F7: variants seen among roughly 807,000 people sequenced by gnomAD.
The protein encoded by F7 is FVII coagulation protein.
A neutral mutation model predicts 47.5 loss-of-function variants in F7; 38 were observed. The observed-to-expected ratio is 0.80, with a 90% confidence interval of 0.62 to 1.05. F7 has a LOEUF of 1.05. F7 is among the 50% of genes least tolerant of loss of function. The probability of loss-of-function intolerance (pLI) is 0.00; values close to 1 mark genes in which losing one functional copy is unlikely to be tolerated. For missense variants in F7, 575 were observed against 605.4 expected (o/e 0.95, Z 0.53); for synonymous variants, 244 against 258.5 (o/e 0.94, Z 0.54).
Position 113,118,564 on chromosome 13 carries a change from GC to G in F7, c.895del (p.Leu299SerfsTer45). On this transcript the variant is annotated frameshift_variant, in exon 8 of 8. Coordinates refer to ENST00000346342, the MANE Select transcript of F7 (RefSeq NM_019616.4). LOFTEE classifies it high-confidence loss of function. Reference protein sequence around the residue: ...QPVVLTDHVVPLCLPERTFSE... With the variant: ...QPVVLTDHVVXLCLPERTFSE... ...CCGTGGTCCTCACTGACCATGTGGT[GC>G]CCCTCTGCCTGCCCGAACGGACGTT... 1.2e-6 allele frequency: 2 copies of G among 1,612,590 alleles called. No individual in the cohort carries two copies. The highest frequency in any genetic ancestry group is 2.2e-5 in the East Asian group (1 of 44,864).
rs1178842676 is a variant in F7, at chr13:113,112,050, T to C, written c.225+1200T>C. On this transcript the variant is annotated intron_variant, in intron 2 of 7. Coordinates refer to ENST00000346342, the MANE Select transcript of F7 (RefSeq NM_019616.4). Reference sequence around the variant, plus strand: ...CACTCACAGGACACCTCACACAAGATACCACACGGGGCACACTTCACACTC... The same window carrying C: ...CACTCACAGGACACCTCACACAAGACACCACACGGGGCACACTTCACACTC... 6.6e-5 allele frequency among the ~76,000 whole-genome samples: 7 copies of C among 106,142 alleles called. No homozygotes were observed. The South Asian group carries it at 1.1e-3, about 17-fold the overall frequency. 69.6% of individuals were successfully genotyped at this position (106,142 alleles called of 152,430 possible).
intron 1 of F7, chr13:113,106,809 C>G (rs1263979971): frequency 6.4e-7 from 1 of 1,563,778 alleles, no homozygotes; most frequent in Middle Eastern, 1.7e-4. Flanking sequence ...TAGCTCACAG[C>G]ATGGCCTTAT....
rs1461816252 is a variant in F7, at chr13:113,112,288, A to G, written c.225+1438A>G. On this transcript the variant is annotated intron_variant, in intron 2 of 7. Transcript: ENST00000346342. ...ACCTCAGTCTTACAGGACAACTCAC[A>G]CTCACAGGTCACCTTACTCTCACAG... Among the ~76,000 whole-genome samples, 3 of 136,736 alleles carry G rather than the reference A, an allele frequency of 2.2e-5. No homozygotes were observed. The East Asian group carries it at 7.1e-4, about 33-fold the overall frequency. The allele number at this position is 136,736 out of a possible 152,430, so 89.7% of individuals were successfully genotyped here. A position where few individuals can be genotyped will look rare whatever the true frequency, so the allele number is the denominator to read the frequency against.
In F7 at chr13:113,119,606, GATGCACGCACATGCCA is replaced by G. The variant is rs533636983; in HGVS notation, c.*610_*625del. The G allele has an allele frequency of 3.0e-5, 5 of 164,296 alleles. No individual in the cohort carries two copies. The East Asian group carries it at 5.4e-4, about 18-fold the overall frequency. 10.2% of individuals were successfully genotyped at this position (164,296 alleles called of 1,614,324 possible). On this transcript the variant is annotated 3_prime_UTR_variant, in exon 8 of 8. Transcript: ENST00000346342. ...AGATGCACACACAGATATACACATGGATGCACGCACATGCCAATGCACGCACACATCAGTGCACACG... is the reference window on the plus strand; with the variant it reads ...AGATGCACACACAGATATACACATGGATGCACGCACACATCAGTGCACACG...
rs747200317 is a variant in F7, at chr13:113,118,494, C to T, written c.821C>T (p.Pro274Leu). 3.0e-5 allele frequency: 48 copies of T among 1,610,480 alleles called. No individual in the cohort carries two copies. The highest frequency in any genetic ancestry group is 1.7e-4 in the Middle Eastern group (1 of 6,060). ...AQVIIPSTYV[P>L]GTTNHDIALL... is the part of the protein sequence containing the mutation. ...GTCATCATCCCCAGCACGTACGTCC[C>T]GGGCACCACCAACCACGACATCGCG... Residue 274 changes from proline to leucine, a missense_variant, in exon 8 of 8, where the codon CCG (proline) becomes CTG (leucine). Coordinates refer to ENST00000346342, the MANE Select transcript of F7 (RefSeq NM_019616.4).
chr13:113,114,556 T>C (rs1260523846), intron 4 of F7: 1 of 158,174 alleles, frequency 6.3e-6, no homozygotes, highest in African/African-American at 2.4e-5. Flanking sequence ...AGTCCTTAAT[T>C]CTCCCAGAAT....
At chr13:113,110,912 C>A in intron 2 of F7, 62 bp downstream of exon 2, 1 of 1,521,846 alleles carries the variant, frequency 6.6e-7, no homozygotes, top group Non-Finnish European at 8.9e-7. Context: ...AACCAGGCCG[C>A]GTGGGGCCGC....
chr13:113,119,062 G>C lies in F7; in HGVS notation c.*54G>C, dbSNP rs926230589. ...GCCAAGGCTGCGTCGAACTGTCCTGGCACCAAATCCCATATATTCTTCTGC... is the reference window on the plus strand; with the variant it reads ...GCCAAGGCTGCGTCGAACTGTCCTGCCACCAAATCCCATATATTCTTCTGC... On this transcript the variant is annotated 3_prime_UTR_variant, in exon 8 of 8. Coordinates refer to ENST00000346342, the MANE Select transcript of F7 (RefSeq NM_019616.4). The C allele has an allele frequency of 1.8e-5, 27 of 1,524,706 alleles. No homozygotes were observed. The highest frequency in any genetic ancestry group is 2.3e-5 in the Non-Finnish European group (26 of 1,123,912). The allele number at this position is 1,524,706 out of a possible 1,614,324, so 94.4% of individuals were successfully genotyped here.
Position 113,119,157 on chromosome 13 carries a change from A to G in F7, c.*149A>G. 1.5e-6 allele frequency: 1 copy of G among 675,520 alleles called. No individual in the cohort carries two copies. Among genetic ancestry groups the G allele is most frequent in the Admixed American group, 2.3e-5 (1 of 43,106 alleles). The allele number at this position is 675,520 out of a possible 1,614,324, so 41.8% of individuals were successfully genotyped here. A position where few individuals can be genotyped will look rare whatever the true frequency, so the allele number is the denominator to read the frequency against. On this transcript the variant is annotated 3_prime_UTR_variant, in exon 8 of 8. Transcript: ENST00000346342. ...GAGGGAGACAGAGACAGAAACAGAG[A>G]GAGACAGAGACAGAGAGAGACTGAG...
Position 113,118,679 on chromosome 13 carries a change from A to G in F7, c.1006A>G (p.Met336Val), listed in dbSNP as rs928183869. The G allele has an allele frequency of 1.9e-6, 3 of 1,612,842 alleles. No homozygotes were observed. Among genetic ancestry groups the G allele is most frequent in the Admixed American group, 1.7e-5 (1 of 59,996 alleles). Residue 336 changes from methionine (M) to valine (V), a missense_variant, in exon 8 of 8, where the codon ATG becomes GTG. Physicochemically the swap from Met to Val is conservative, Grantham distance 21. Transcript: ENST00000346342. ...CCGTGGCGCCACGGCCCTGGAGCTC[A>G]TGGTCCTCAACGTGCCCCGGCTGAT... is the stretch of plus-strand genomic sequence containing the variant. ...LDRGATALEL[M>V]VLNVPRLMTQ... is the part of the protein sequence containing the mutation.
chr13:113,107,982 T>C (rs1464105258), intron 1 of F7, among the ~76,000 whole-genome samples: 2 of 23,034 alleles, frequency 8.7e-5, no homozygotes, highest in East Asian at 3.2e-3. Flanking sequence ...GTGTGGGTGT[T>C]CCGGAGGTGA....
intron 5 of F7, among the ~76,000 whole-genome samples, chr13:113,116,475 G>A (rs1261521967): frequency 3.0e-4 from 45 of 152,252 alleles, no homozygotes; most frequent in Admixed American, 2.8e-3. Context: ...TGAAAAGTGA[G>A]CAGAGGGCGG....
At chr13:113,117,708 G>A (rs1452595160) in intron 7 of F7, 112 bp downstream of exon 7, 1 of 1,520,918 alleles carries the variant, frequency 6.6e-7, no homozygotes, top group Non-Finnish European at 8.8e-7. Flanking sequence ...GCGGTGCTGG[G>A]TGGGTGCCAC....
In F7 at chr13:113,113,778, T is replaced by TCCACAG; in HGVS notation, c.250+2_250+3insCCACAG. On this transcript the variant is annotated splice_region_variant and intron_variant, in intron 3 of 7. Coordinates refer to ENST00000346342, the MANE Select transcript of F7 (RefSeq NM_019616.4). The surrounding 1 kb of genome is among the most constrained non-coding windows in gnomAD (Gnocchi z 4.1). Reference sequence around the variant, plus strand: ...AGCTGTTCTGGATTTCTTACAGTGGTGAGTGGATGATCACCACCAGTCCTG... The same window carrying TCCACAG: ...AGCTGTTCTGGATTTCTTACAGTGGTCCACAGGAGTGGATGATCACCACCAGTCCTG... 6.2e-7 allele frequency: 1 copy of TCCACAG among 1,614,150 alleles called. No homozygotes were observed. The highest frequency in any genetic ancestry group is 1.1e-5 in the South Asian group (1 of 91,088).
At position 113,113,355 on chromosome 13, in the gene F7, C is replaced by T. The variant is rs1263123860; in HGVS notation, c.226-397C>T. ...CAGTTTCTTCAGCAATCACTTTTTTCTGTGGAGTGCTTTTGCTGTTTGTGG... is the reference window on the plus strand; with the variant it reads ...CAGTTTCTTCAGCAATCACTTTTTTTTGTGGAGTGCTTTTGCTGTTTGTGG... On this transcript the variant is annotated intron_variant, in intron 2 of 7. Coordinates refer to ENST00000346342, the MANE Select transcript of F7 (RefSeq NM_019616.4). The surrounding 1 kb of genome is among the most constrained non-coding windows in gnomAD (Gnocchi z 4.1). Among the ~76,000 whole-genome samples, 1 of 152,230 alleles carries T rather than the reference C, an allele frequency of 6.6e-6. No individual in the cohort carries two copies. Among genetic ancestry groups the T allele is most frequent in the Non-Finnish European group, 1.5e-5 (1 of 68,044 alleles).
In F7 at chr13:113,118,742, G is replaced by C. The variant is rs1382048888; in HGVS notation, c.1069G>C (p.Asp357His). The change falls in exon 8 of 8, where the codon GAC becomes CAC. Residue 357 changes from aspartate to histidine, a missense_variant. Asp to His is a moderately conservative substitution (Grantham distance 81). Coordinates refer to ENST00000346342, the MANE Select transcript of F7 (RefSeq NM_019616.4). Reference protein sequence around the residue: ...DCLQQSRKVGDSPNITEYMFC... With the variant: ...DCLQQSRKVGHSPNITEYMFC... ...CCTGCAGCAGTCACGGAAGGTGGGA[G>C]ACTCCCCAAATATCACGGAGTACAT... 1.9e-6 allele frequency: 3 copies of C among 1,613,176 alleles called. No homozygotes were observed. In the South Asian group the frequency reaches 3.3e-5, roughly 18 times the overall value.
At position 113,119,636 on chromosome 13, in the gene F7, T is replaced by C. The variant is rs1411560809; in HGVS notation, c.*628T>C. 1.2e-5 allele frequency: 2 copies of C among 162,112 alleles called. No individual in the cohort carries two copies. Among genetic ancestry groups the C allele is most frequent in the African/African-American group, 4.9e-5 (2 of 41,178 alleles). 10.0% of individuals were successfully genotyped at this position (162,112 alleles called of 1,614,324 possible). A position where few individuals can be genotyped will look rare whatever the true frequency, so the allele number is the denominator to read the frequency against. On this transcript the variant is annotated 3_prime_UTR_variant, in exon 8 of 8. Coordinates refer to ENST00000346342, the MANE Select transcript of F7 (RefSeq NM_019616.4). Reference sequence around the variant, plus strand: ...ACGCACATGCCAATGCACGCACACATCAGTGCACACGGATGCACAGAGATA... The same window carrying C: ...ACGCACATGCCAATGCACGCACACACCAGTGCACACGGATGCACAGAGATA...
At chr13:113,112,079 G>A (rs148622696) in intron 2 of F7, among the ~76,000 whole-genome samples, 1,449 of 140,274 alleles carry the variant, frequency 0.01, 17 homozygotes, top group African/African-American at 0.034. Flanking sequence ...CACACTCACA[G>A]GTCACCTCAC....
At position 113,110,771 on chromosome 13, in the gene F7, G is replaced by A. The variant is rs1406494980; in HGVS notation, c.146G>A (p.Gly49Asp). ...ANAFLEELRP[G>D]SLERECKEEQ... is the part of the protein sequence containing the mutation. ...GCGTTCCTGGAGGAGCTGCGGCCGGGCTCCCTGGAGAGGGAGTGCAAGGAG... is the reference window on the plus strand; with the variant it reads ...GCGTTCCTGGAGGAGCTGCGGCCGGACTCCCTGGAGAGGGAGTGCAAGGAG... The change falls in exon 2 of 8, where the codon GGC becomes GAC. Residue 49 changes from glycine to aspartate, a missense_variant. By Grantham distance (94) the Gly-to-Asp change is moderately conservative. Coordinates refer to ENST00000346342, the MANE Select transcript of F7 (RefSeq NM_019616.4). 1.9e-6 allele frequency: 3 copies of A among 1,550,304 alleles called. No individual in the cohort carries two copies. The highest frequency in any genetic ancestry group is 2.6e-6 in the Non-Finnish European group (3 of 1,147,268).
Sources: gnomAD v4.1 joint callset for allele counts (sites outside exome capture counted in the v4.1 genomes callset) on GRCh38, gnomAD v4.1.1 for gene constraint, Gnocchi (gnomAD v3.1) non-coding constraint, MANE v1.5 for transcripts, NCBI Gene and HGNC (gene_info 2026-07-23, HGNC 2026-07-21) for gene names.